Variants in ATP2A3 observed in about 807,000 individuals in gnomAD.
The protein encoded by ATP2A3 is sarcoplasmic/endoplasmic reticulum calcium ATPase 3.
A neutral mutation model predicts 106.8 loss-of-function variants in ATP2A3; 61 were observed. That is an observed-to-expected ratio of 0.57 (90% CI 0.46 to 0.71). ATP2A3 has a LOEUF of 0.71. Among genes scored for constraint, ATP2A3 ranks in the 30% least tolerant of loss-of-function variants. ATP2A3 has a pLI of 0.00. For missense variants in ATP2A3, 1,201 were observed against 1,423.5 expected (o/e 0.84, Z 2.52); for synonymous variants, 611 against 609.3 (o/e 1.00, Z -0.04).
chr17:3,950,714 C>T lies in ATP2A3; in HGVS notation c.523G>A (p.Val175Met), dbSNP rs552059367. 6 of 1,614,050 alleles carry T rather than the reference C, an allele frequency of 3.7e-6. No homozygotes were observed. The South Asian group carries it at 6.6e-5, about 18-fold the overall frequency. ...TCACCCGTCAGGATGGACTGGTCCA[C>T]TCGCAGCGTGGTGGACTTGATCTCG... is the stretch of plus-strand genomic sequence containing the variant. ...LIEIKSTTLR[V>M]DQSILTGESV... Residue 175 changes from valine to methionine, a missense_variant, in exon 6 of 21, where the codon GTG (valine) becomes ATG (methionine). By Grantham distance (21) the Val-to-Met change is conservative. Coordinates refer to ENST00000397041, the MANE Select transcript of ATP2A3 (RefSeq NM_005173.4).
rs1243153074 is a variant in ATP2A3 at position 3,937,663 on chromosome 17, G to A, written c.2101-27C>T. 5 of 1,607,396 alleles carry A rather than the reference G, an allele frequency of 3.1e-6. No individual in the cohort carries two copies. The African/African-American group carries it at 4.0e-5, about 13-fold the overall frequency. On this transcript the variant is annotated intron_variant, in intron 14 of 20. Transcript: ENST00000397041. ...TGTGGGCCAGGTCAGGTAGGGCTGT[G>A]CCTGAGAAACTTCCCTTCCACCTCC... is the stretch of plus-strand genomic sequence containing the variant.
Position 3,940,982 on chromosome 17 carries a change from T to C in ATP2A3, c.2089A>G (p.Ile697Val). 6.2e-7 allele frequency: 1 copy of C among 1,613,924 alleles called. No individual in the cohort carries two copies. The highest frequency in any genetic ancestry group is 8.5e-7 in the Non-Finnish European group (1 of 1,179,846). The part of the protein sequence containing the change: ...IVENLQSFNE[I>V]TAMTGDGVND... ...GGCTGTGGCCTCACCATAGCAGTGA[T>C]CTCGTTAAAGGACTGCAGGTTCTCC... The change falls in exon 14 of 21, where the codon ATC (isoleucine) becomes GTC (valine). Residue 697 changes from isoleucine to valine, a missense_variant. By Grantham distance (29) the Ile-to-Val change is conservative. Around this residue, in one of 2 missense-constraint regions of ATP2A3, gnomAD observed 935 missense variants for 1,176.7 expected, o/e 0.79. Transcript: ENST00000397041.
At chr17:3,959,247 A>T (rs755984626) in intron 1 of ATP2A3, among the ~76,000 whole-genome samples, 6 of 152,010 alleles carry the variant, frequency 3.9e-5, no homozygotes, top group Non-Finnish European at 7.4e-5. Flanking sequence ...GCACAGCAGC[A>T]TCCTATCTCC....
chr17:3,964,134 C>T (rs1174782432), intron 1 of ATP2A3, 40 bp downstream of exon 1: 3 of 1,035,800 alleles, frequency 2.9e-6, no homozygotes, highest in Non-Finnish European at 3.6e-6. Context: ...GCGGCGCGCG[C>T]GGCCCCCGCT....
At chr17:3,942,520 C>T (rs552818817) in intron 12 of ATP2A3, 86 bp downstream of exon 12, 67 of 1,551,062 alleles carry the variant, frequency 4.3e-5, no homozygotes, top group East Asian at 3.2e-4. Context: ...GCCATTCACA[C>T]GGGAGGACTG....
intron 14 of ATP2A3, among the ~76,000 whole-genome samples, chr17:3,937,889 G>A (rs556329846): frequency 1.2e-3 from 185 of 152,314 alleles, no homozygotes; most frequent in Middle Eastern, 3.4e-3. Flanking sequence ...ATGAGGTGGG[G>A]ATGGGGATGA....
chr17:3,937,725 G>C (rs138455665), intron 14 of ATP2A3, 89 bp from the exon 15 acceptor site: 2 of 1,318,870 alleles, frequency 1.5e-6, no homozygotes, highest in African/African-American at 2.9e-5. Context: ...CCAATCTTAG[G>C]GGATGTTCCA....
chr17:3,954,234 C>T (rs1470854418), intron 1 of ATP2A3, among the ~76,000 whole-genome samples: 1 of 152,152 alleles, frequency 6.6e-6, no homozygotes, highest in Non-Finnish European at 1.5e-5. Context: ...TCCCTGCTCC[C>T]CTGGGACCAG....
rs775745030 is a variant in ATP2A3 at position 3,947,351 on chromosome 17, C to T, written c.1095+40G>A. ...AGACCCAGAGAGGGAGCCCAGCCTGCTCTGCAACGCACAGCAACACCAAGC... is the reference window on the plus strand; with the variant it reads ...AGACCCAGAGAGGGAGCCCAGCCTGTTCTGCAACGCACAGCAACACCAAGC... On this transcript the variant is annotated intron_variant, in intron 8 of 20. Transcript: ENST00000397041. The surrounding 1 kb of genome is among the most constrained non-coding windows in gnomAD (Gnocchi z 7.7). 1 of 1,611,540 alleles carries T rather than the reference C, an allele frequency of 6.2e-7. No individual in the cohort carries two copies. Among genetic ancestry groups the T allele is most frequent in the African/African-American group, 1.3e-5 (1 of 74,906 alleles).
At position 3,947,537 on chromosome 17, in the gene ATP2A3, T is replaced by C. The variant is rs775461700; in HGVS notation, c.949A>G (p.Thr317Ala). The change falls in exon 8 of 21, where the codon ACA becomes GCA. Residue 317 changes from threonine to alanine, a missense_variant. Physicochemically the swap from Thr to Ala is moderately conservative, Grantham distance 58 (BLOSUM62 0). Transcript: ENST00000397041. The surrounding 1 kb of genome is among the most constrained non-coding windows in gnomAD (Gnocchi z 7.7). ...CGCCGCGTGCCCAGTGCCAGGCATG[T>C]AGTGATGACAGCCGGGAGGCCCTCG... ...IPEGLPAVIT[T>A]CLALGTRRMA... 5 of 1,613,280 alleles carry C rather than the reference T, an allele frequency of 3.1e-6. No individual in the cohort carries two copies. In the South Asian group the frequency reaches 3.3e-5, roughly 11 times the overall value.
At chr17:3,960,643 C>A (rs1351070512) in intron 1 of ATP2A3, among the ~76,000 whole-genome samples, 2 of 152,184 alleles carry the variant, frequency 1.3e-5, no homozygotes, top group African/African-American at 4.8e-5. Context: ...GAAAAGACAC[C>A]CAATGTGACT....
intron 9 of ATP2A3, 23 bp downstream of exon 9, chr17:3,945,037 G>A (rs1156693362): frequency 6.7e-7 from 1 of 1,499,360 alleles, no homozygotes; most frequent in Non-Finnish European, 8.9e-7. Flanking sequence ...GCCCGCCCGC[G>A]CGTCCCCTGG....
rs746218747 is a variant in ATP2A3, at chr17:3,937,583, G to A, written c.2154C>T (p.Ile718=). The part of the protein sequence containing the change: ...APALKKAEIG[I]AMGSGTAVAK... ...CCACGGCCGTGCCTGAGCCCATGGC[G>A]ATGCCGATCTCTGCTTTCTTCAGGG... The change falls in exon 15 of 21, where the codon ATC becomes ATT. Residue 718 remains isoleucine (I), a synonymous_variant. Coordinates refer to ENST00000397041, the MANE Select transcript of ATP2A3 (RefSeq NM_005173.4). 8 of 1,614,062 alleles carry A rather than the reference G, an allele frequency of 5.0e-6. No individual in the cohort carries two copies. The Admixed American group carries it at 5.0e-5, about 10-fold the overall frequency.
intron 7 of ATP2A3, among the ~76,000 whole-genome samples, chr17:3,949,310 C>T (rs2054288530): frequency 6.6e-6 from 1 of 152,164 alleles, no homozygotes; most frequent in Admixed American, 6.5e-5. Flanking sequence ...TGCGGGGCAG[C>T]TGTGAGTATC....
rs2052658120 is a variant in ATP2A3, at chr17:3,925,531, C to T, written c.2981-90G>A. 6.7e-7 allele frequency: 1 copy of T among 1,493,866 alleles called. No homozygotes were observed. The allele number at this position is 1,493,866 out of a possible 1,614,324, so 92.5% of individuals were successfully genotyped here. On this transcript the variant is annotated intron_variant, in intron 20 of 20. Coordinates refer to ENST00000397041, the MANE Select transcript of ATP2A3 (RefSeq NM_005173.4). The surrounding 1 kb of genome is among the most constrained non-coding windows in gnomAD (Gnocchi z 4.2). ...TTCCAGCCCCTTCCATCCTCCACTT[C>T]TCCCAGGACAGCCCCAGGCTCCCAA...
rs2144263474 is a variant in ATP2A3 at position 3,930,745 on chromosome 17, T to C, written c.2611-311A>G. ...AGGCTAGCGGGAGCCTGGAGATCAC[T>C]GAATAGGGAAATGCATGTGAAAATC... On this transcript the variant is annotated intron_variant, in intron 17 of 20. Transcript: ENST00000397041. This position sits in a 1 kb window ranked among gnomAD's most constrained non-coding sequence, Gnocchi z 5.4. 4.2e-6 allele frequency: 2 copies of C among 480,740 alleles called. No individual in the cohort carries two copies. Among genetic ancestry groups the C allele is most frequent in the African/African-American group, 2.0e-5 (1 of 50,970 alleles). 29.8% of individuals were successfully genotyped at this position (480,740 alleles called of 1,614,324 possible).
Position 3,947,673 on chromosome 17 carries a change from C to G in ATP2A3, c.813G>C (p.Val271=). 6.2e-7 allele frequency: 1 copy of G among 1,612,232 alleles called. No homozygotes were observed. Among genetic ancestry groups the G allele is most frequent in the Non-Finnish European group, 8.5e-7 (1 of 1,179,888 alleles). ...CGAAGTGGCCGATGTTGATGACCCA[C>G]ACGGCCACGCAGATCACAGAGATGG... is the stretch of plus-strand genomic sequence containing the variant. ...SHAISVICVA[V]WVINIGHFAD... is the part of the protein sequence containing the mutation. The change falls in exon 8 of 21, where the codon GTG becomes GTC. Residue 271 remains valine (V), a synonymous_variant. Coordinates refer to ENST00000397041, the MANE Select transcript of ATP2A3 (RefSeq NM_005173.4). The surrounding 1 kb of genome is among the most constrained non-coding windows in gnomAD (Gnocchi z 7.7).
At chr17:3,951,710 C>A (rs1343634486) in intron 3 of ATP2A3, 25 bp from the exon 4 acceptor site, 3 of 1,593,096 alleles carry the variant, frequency 1.9e-6, no homozygotes, top group South Asian at 1.1e-5. Flanking sequence ...CTGGTGAGCT[C>A]AGGCCCTGCT....
rs2053016091 is a variant in ATP2A3 at position 3,930,576 on chromosome 17, T to C, written c.2611-142A>G. 1.3e-5 allele frequency: 7 copies of C among 548,918 alleles called. No individual in the cohort carries two copies. The highest frequency in any genetic ancestry group is 2.0e-5 in the African/African-American group (1 of 49,226). The allele number at this position is 548,918 out of a possible 1,614,324, so 34.0% of individuals were successfully genotyped here. On this transcript the variant is annotated intron_variant, in intron 17 of 20. Coordinates refer to ENST00000397041, the MANE Select transcript of ATP2A3 (RefSeq NM_005173.4). This position sits in a 1 kb window ranked among gnomAD's most constrained non-coding sequence, Gnocchi z 5.4. The stretch of plus-strand genomic sequence containing the variant: ...ACACTGCCGTGGGGTGGGCTGGGGA[T>C]CCCGGGAGGGGTGCGGGGTCGGGGC...
Sources: gnomAD v4.1 joint callset for allele counts (sites outside exome capture counted in the v4.1 genomes callset) on GRCh38, gnomAD v4.1.1 for gene constraint, gnomAD v4.1.1 regional missense constraint, Gnocchi (gnomAD v3.1) non-coding constraint, MANE v1.5 for transcripts, NCBI Gene and HGNC (gene_info 2026-07-23, HGNC 2026-07-21) for gene names.